The following TNIK variants were observed in gnomAD, a reference collection of about 807,000 sequenced individuals.
TNIK encodes the protein TRAF2 and NCK-interacting protein kinase.
TNIK carries 49 observed loss-of-function variants against 191.3 expected under a neutral mutation model. The ratio of observed to expected loss-of-function variants is 0.26; its 90% CI spans 0.20 to 0.32. The LOEUF is 0.32. Ranked by LOEUF, TNIK falls within the 10% of genes least tolerant of loss-of-function variation. The pLI, the probability that TNIK is intolerant of heterozygous loss-of-function variation, is 1.00. For synonymous variants in TNIK, 594 were observed against 600.9 expected (o/e 0.99, Z 0.17); for missense variants, 1,155 against 1,702.3 (o/e 0.68, Z 5.66).
intron 1 of TNIK, among the ~76,000 whole-genome samples, chr3:171,380,981 G>A (rs1409350751): frequency 6.6e-6 from 1 of 152,180 alleles, no homozygotes; most frequent in Admixed American, 6.5e-5. Context: ...GGTGTCACCA[G>A]TAATGGTACA....
At chr3:171,214,414 A>G (rs1487430655) in intron 3 of TNIK, among the ~76,000 whole-genome samples, 2 of 152,168 alleles carry the variant, frequency 1.3e-5, no homozygotes, top group African/African-American at 4.8e-5. Context: ...CCTTTGTAGC[A>G]CCTATCAGAA....
chr3:171,301,529 G>C (rs1474479895), intron 2 of TNIK, among the ~76,000 whole-genome samples: 1 of 152,126 alleles, frequency 6.6e-6, no homozygotes, highest in East Asian at 1.9e-4. Flanking sequence ...TGACCAGGCT[G>C]GTCTCAAACT....
chr3:171,423,054 C>T (rs1724036771), intron 1 of TNIK, among the ~76,000 whole-genome samples: 1 of 152,174 alleles, frequency 6.6e-6, no homozygotes, highest in Non-Finnish European at 1.5e-5. Flanking sequence ...ATTGTGTCAA[C>T]ATGTGCATAG....
intron 4 of TNIK, among the ~76,000 whole-genome samples, chr3:171,196,937 A>G (rs1236905231): frequency 6.6e-6 from 1 of 151,980 alleles, no homozygotes; most frequent in African/African-American, 2.4e-5. Context: ...TTGTATTTTT[A>G]GTAGACACGG....
chr3:171,456,894 T>C (rs1319771813), intron 1 of TNIK, among the ~76,000 whole-genome samples: 1 of 152,172 alleles, frequency 6.6e-6, no homozygotes, highest in Non-Finnish European at 1.5e-5. Context: ...AGTCAGGAAA[T>C]CTAGATTATT....
intron 2 of TNIK, among the ~76,000 whole-genome samples, chr3:171,234,858 A>C (rs1228365218): frequency 1.3e-5 from 2 of 152,196 alleles, no homozygotes; most frequent in African/African-American, 2.4e-5. Flanking sequence ...AGAACTCAAA[A>C]GCAGACGAGC....
chr3:171,314,333 C>A lies in TNIK; in HGVS notation c.123+55287G>T, dbSNP rs145170737. ...CTGCCTATGACCCTGAGACCTTTGACTGGCACCTCTGAGCAGTGGTCTCAA... is the reference window on the plus strand; with the variant it reads ...CTGCCTATGACCCTGAGACCTTTGAATGGCACCTCTGAGCAGTGGTCTCAA... On this transcript the variant is annotated intron_variant, in intron 2 of 32. Transcript: ENST00000436636. 2.4e-3 allele frequency among the ~76,000 whole-genome samples: 368 copies of A among 152,304 alleles called. 2 individuals are homozygous for A. Among genetic ancestry groups the A allele is most frequent in the Non-Finnish European group, 4.4e-3 (300 of 68,012 alleles).
chr3:171,146,122 A>T (rs1253540715), intron 12 of TNIK, among the ~76,000 whole-genome samples: 1 of 152,184 alleles, frequency 6.6e-6, no homozygotes, highest in East Asian at 1.9e-4. Flanking sequence ...CTCATGTGTC[A>T]GGCCTCAGAG....
chr3:171,087,165 T>C (rs534565621), intron 24 of TNIK, among the ~76,000 whole-genome samples, 177 bp downstream of exon 24: 1 of 152,342 alleles, frequency 6.6e-6, no homozygotes, highest in African/African-American at 2.4e-5. Context: ...TGAGAACTTT[T>C]CACTGCTCTG....
intron 15 of TNIK, among the ~76,000 whole-genome samples, chr3:171,131,231 G>A (rs1729210669): frequency 2.0e-5 from 3 of 149,906 alleles, no homozygotes; most frequent in Admixed American, 1.3e-4. Flanking sequence ...CCAGCTACTC[G>A]GGAGGCTGAG....
intron 18 of TNIK, among the ~76,000 whole-genome samples, chr3:171,119,456 A>T (rs1490019149): frequency 6.6e-6 from 1 of 152,202 alleles, no homozygotes; most frequent in Admixed American, 6.5e-5. Context: ...TACCCAAAGG[A>T]TTATAAATCA....
chr3:171,286,911 G>A (rs1261863002), intron 2 of TNIK, among the ~76,000 whole-genome samples: 1 of 152,042 alleles, frequency 6.6e-6, no homozygotes, highest in African/African-American at 2.4e-5. Context: ...CTTTAACTTA[G>A]GTTTATGATG....
intron 22 of TNIK, among the ~76,000 whole-genome samples, chr3:171,095,192 C>G (rs542279467): frequency 3.3e-4 from 51 of 152,318 alleles, no homozygotes; most frequent in African/African-American, 1.2e-3. Context: ...CTTGAGAACA[C>G]AGACTGATGT....
chr3:171,368,500 G>T (rs1577661059), intron 2 of TNIK, among the ~76,000 whole-genome samples: 1 of 152,166 alleles, frequency 6.6e-6, no homozygotes, highest in African/African-American at 2.4e-5. Flanking sequence ...AGGTTGGGTA[G>T]ACTACATTCT....
intron 1 of TNIK, among the ~76,000 whole-genome samples, chr3:171,391,330 T>A (rs1212207061): frequency 6.6e-6 from 1 of 152,198 alleles, no homozygotes. Context: ...AAGAATTATT[T>A]TGAGCTAAAG....
At chr3:171,168,806 G>A (rs144775107) in intron 9 of TNIK, among the ~76,000 whole-genome samples, 5 of 152,236 alleles carry the variant, frequency 3.3e-5, no homozygotes, top group Non-Finnish European at 4.4e-5. Context: ...CAGCATCAAC[G>A]TGCCTGAGCC....
intron 2 of TNIK, among the ~76,000 whole-genome samples, chr3:171,262,918 G>A (rs530426561): frequency 3.3e-4 from 51 of 152,278 alleles, no homozygotes; most frequent in African/African-American, 1.2e-3. Flanking sequence ...CATTGGAGGT[G>A]TCTGGAAAAT....
chr3:171,335,157 C>A (rs923984737), intron 2 of TNIK, among the ~76,000 whole-genome samples: 1 of 152,126 alleles, frequency 6.6e-6, no homozygotes, highest in African/African-American at 2.4e-5. Flanking sequence ...TCATTTTATT[C>A]ATATTTCTAT....
intron 2 of TNIK, among the ~76,000 whole-genome samples, chr3:171,324,027 T>C (rs112393244): frequency 1.1e-4 from 17 of 152,222 alleles, no homozygotes; most frequent in East Asian, 9.7e-4. Context: ...TAAATATCCA[T>C]TGGCATTTTA....
Sources: allele counts gnomAD v4.1 joint callset (sites outside exome capture counted in the v4.1 genomes callset), GRCh38; gene constraint gnomAD v4.1.1; transcripts MANE v1.5; gene names NCBI Gene and HGNC (gene_info 2026-07-23, HGNC 2026-07-21).